TMEM108: variants seen among roughly 807,000 people sequenced by gnomAD.
The protein encoded by TMEM108 is transmembrane protein 108.
Under a neutral mutation model 35.1 loss-of-function variants are expected in TMEM108, and 12 were observed. That is an observed-to-expected ratio of 0.34 (90% CI 0.22 to 0.55). The LOEUF (loss-of-function observed/expected upper bound fraction) is 0.55, where lower values mean the gene tolerates loss of function less well. TMEM108 is among the 20% of genes least tolerant of loss of function. The pLI is 0.89. For missense variants in TMEM108, 680 were observed against 753.3 expected (o/e 0.90, Z 1.14); for synonymous variants, 287 against 308.6 (o/e 0.93, Z 0.73).
chr3:133,144,425 A>G (rs1041055292), intron 2 of TMEM108, among the ~76,000 whole-genome samples: 5 of 152,212 alleles, frequency 3.3e-5, no homozygotes, highest in Admixed American at 6.5e-5. Context: ...TAGTGCTGCA[A>G]TAAACATACG....
At chr3:133,290,194 G>A (rs545890576) in intron 3 of TMEM108, among the ~76,000 whole-genome samples, 8 of 152,280 alleles carry the variant, frequency 5.3e-5, no homozygotes, top group African/African-American at 1.9e-4. Context: ...TCTAGACAAG[G>A]TGACCAGGGA....
At chr3:133,192,447 G>A (rs531378071) in intron 2 of TMEM108, among the ~76,000 whole-genome samples, 2 of 152,228 alleles carry the variant, frequency 1.3e-5, no homozygotes, top group East Asian at 3.9e-4. Flanking sequence ...CCTAGGGAGA[G>A]TGTTTAGAGG....
intron 3 of TMEM108, among the ~76,000 whole-genome samples, chr3:133,375,592 G>A (rs2072812490): frequency 6.6e-6 from 1 of 152,192 alleles, no homozygotes; most frequent in Admixed American, 6.5e-5. Context: ...GGAAGCCCTG[G>A]GTTGAAGGCC....
chr3:133,365,207 G>C (rs529824288), intron 3 of TMEM108, among the ~76,000 whole-genome samples: 1 of 152,284 alleles, frequency 6.6e-6, no homozygotes, highest in South Asian at 2.1e-4. Context: ...AATCTGGGTA[G>C]TGGACTACAG....
intron 3 of TMEM108, among the ~76,000 whole-genome samples, chr3:133,310,301 T>C (rs1398430195): frequency 6.7e-6 from 1 of 148,896 alleles, no homozygotes; most frequent in South Asian, 2.2e-4. Flanking sequence ...TGACAGTGGG[T>C]TGTTAAAGTC....
intron 3 of TMEM108, among the ~76,000 whole-genome samples, chr3:133,283,778 A>C (rs1484385514): frequency 6.6e-6 from 1 of 152,262 alleles, no homozygotes; most frequent in African/African-American, 2.4e-5. Flanking sequence ...TTTCAAAGAA[A>C]GATAAAATTG....
In TMEM108 at chr3:133,058,286, C is replaced by T. The variant is rs1437830144; in HGVS notation, c.-47+12266C>T. On this transcript the variant is annotated intron_variant, in intron 2 of 5. Coordinates refer to ENST00000321871, the MANE Select transcript of TMEM108 (RefSeq NM_023943.4). ...TAATCAGAACTTTTCTCCTGCTCTC[C>T]CCTGTTGTCTCAGGATTTAGGAAGA... Among the ~76,000 whole-genome samples, 7 of 152,302 alleles carry T rather than the reference C, an allele frequency of 4.6e-5. No individual in the cohort carries two copies. The East Asian group carries it at 5.8e-4, about 13-fold the overall frequency.
chr3:133,070,797 G>A (rs2107689255), intron 2 of TMEM108, among the ~76,000 whole-genome samples: 1 of 151,512 alleles, frequency 6.6e-6, no homozygotes, highest in East Asian at 1.9e-4. Flanking sequence ...GTGTGAGTGT[G>A]TTTAACAGTC....
At chr3:133,197,793 A>G (rs1020617844) in intron 2 of TMEM108, among the ~76,000 whole-genome samples, 1 of 152,202 alleles carries the variant, frequency 6.6e-6, no homozygotes, top group Admixed American at 6.5e-5. Flanking sequence ...GGTATCTGCT[A>G]CAGCAAATTT....
intron 3 of TMEM108, among the ~76,000 whole-genome samples, chr3:133,301,550 T>C (rs1374593250): frequency 4.2e-4 from 64 of 152,210 alleles, no homozygotes; most frequent in Non-Finnish European, 1.2e-4. Flanking sequence ...CCTTTTGTGT[T>C]TGTAAAATGA....
chr3:133,124,635 G>T (rs1944392535), intron 2 of TMEM108, among the ~76,000 whole-genome samples: 1 of 152,206 alleles, frequency 6.6e-6, no homozygotes, highest in African/African-American at 2.4e-5. Context: ...TAAAAGATAA[G>T]CGACAAAAAG....
intron 2 of TMEM108, among the ~76,000 whole-genome samples, chr3:133,207,739 C>T (rs114640486): frequency 0.034 from 5,156 of 152,194 alleles, 267 homozygotes; most frequent in African/African-American, 0.11. Flanking sequence ...TAATGCTCCC[C>T]TCCATATGGG....
intron 2 of TMEM108, among the ~76,000 whole-genome samples, chr3:133,143,964 TTATTTTATTTTATTTTA>T (rs1326946142): frequency 6.6e-6 from 1 of 150,698 alleles, no homozygotes; most frequent in Non-Finnish European, 1.5e-5. Context: ...TTATTTTATT[TTATTTTATTTTATTTTA>T]TTTTGCTTTG....
intron 2 of TMEM108, among the ~76,000 whole-genome samples, chr3:133,198,791 G>A (rs1347793060): frequency 6.6e-6 from 1 of 152,100 alleles, no homozygotes; most frequent in Non-Finnish European, 1.5e-5. Context: ...GTGTGTCTTT[G>A]TGGCGTTCTC....
intron 2 of TMEM108, among the ~76,000 whole-genome samples, chr3:133,143,350 G>A (rs937475275): frequency 6.6e-6 from 1 of 151,564 alleles, no homozygotes; most frequent in Non-Finnish European, 1.5e-5. Flanking sequence ...AGATTTCATA[G>A]ATTAATGTAT....
At chr3:133,088,529 A>G (rs1367517397) in intron 2 of TMEM108, among the ~76,000 whole-genome samples, 3 of 152,236 alleles carry the variant, frequency 2.0e-5, no homozygotes. Context: ...AGCAAAGCTT[A>G]GGTCCTTGTA....
chr3:133,167,347 C>G (rs1945055666), intron 2 of TMEM108, among the ~76,000 whole-genome samples: 1 of 152,274 alleles, frequency 6.6e-6, no homozygotes, highest in Non-Finnish European at 1.5e-5. Flanking sequence ...CCTAGTGGAT[C>G]CTGCTCCAGG....
At chr3:133,362,569 G>C (rs140256850) in intron 3 of TMEM108, among the ~76,000 whole-genome samples, 1 of 152,316 alleles carries the variant, frequency 6.6e-6, no homozygotes, top group Admixed American at 6.5e-5. Context: ...TCATTTGGTA[G>C]GAGCCCAAAA....
chr3:133,321,830 C>T (rs1318380071), intron 3 of TMEM108, among the ~76,000 whole-genome samples: 1 of 152,124 alleles, frequency 6.6e-6, no homozygotes, highest in Non-Finnish European at 1.5e-5. Flanking sequence ...ACCAAGTGCC[C>T]TCTCAGACCA....
Sources: gnomAD v4.1 joint callset for allele counts (sites outside exome capture counted in the v4.1 genomes callset) on GRCh38, gnomAD v4.1.1 for gene constraint, MANE v1.5 for transcripts, NCBI Gene and HGNC (gene_info 2026-07-23, HGNC 2026-07-21) for gene names.